TLK1: variants seen among roughly 807,000 people sequenced by gnomAD.
TLK1 encodes the protein serine/threonine-protein kinase tousled-like 1.
TLK1 carries 24 observed loss-of-function variants against 105.3 expected under a neutral mutation model. That is an observed-to-expected ratio of 0.23 (90% confidence interval 0.17 to 0.32). The LOEUF (loss-of-function observed/expected upper bound fraction) is 0.32, where lower values mean the gene tolerates loss of function less well. Ranked by LOEUF, TLK1 falls within the 10% of genes least tolerant of loss-of-function variation. The pLI is 1.00. For missense variants in TLK1, 558 were observed against 910.5 expected (o/e 0.61, Z 4.98); for synonymous variants, 321 against 310.4 (o/e 1.03, Z -0.36).
chr2:171,052,217 C>A (rs1687275107), intron 8 of TLK1, among the ~76,000 whole-genome samples: 1 of 152,118 alleles, frequency 6.6e-6, no homozygotes, highest in Admixed American at 6.5e-5. Context: ...CTATGATCCC[C>A]CACTGTGCTC....
chr2:171,182,935 A>AAAAGGAAGAAAGAAAG (rs1553487150), intron 1 of TLK1, among the ~76,000 whole-genome samples: 1 of 128,780 alleles, frequency 7.8e-6, no homozygotes, highest in African/African-American at 3.6e-5. Flanking sequence ...AAAAAAAAAA[A>AAAAGGAAGAAAGAAAG]AAAGAAAGAA....
intron 3 of TLK1, among the ~76,000 whole-genome samples, chr2:171,069,495 G>C (rs910270911): frequency 3.3e-5 from 5 of 152,182 alleles, no homozygotes; most frequent in African/African-American, 1.2e-4. Context: ...ACGCACTGAG[G>C]ATGGCGGTAA....
intron 2 of TLK1, among the ~76,000 whole-genome samples, chr2:171,095,054 A>T (rs1471462393): frequency 6.6e-6 from 1 of 152,230 alleles, no homozygotes; most frequent in Admixed American, 6.5e-5. Context: ...TAAATCTCAA[A>T]GGAAATTAGA....
At chr2:171,071,520 A>C (rs888577784) in intron 3 of TLK1, among the ~76,000 whole-genome samples, 3 of 152,036 alleles carry the variant, frequency 2.0e-5, no homozygotes, top group African/African-American at 7.2e-5. Context: ...ATCTCCTGAC[A>C]TAGTGATCTG....
At chr2:171,037,358 T>C (rs1192485691) in intron 11 of TLK1, among the ~76,000 whole-genome samples, 1 of 151,712 alleles carries the variant, frequency 6.6e-6, no homozygotes, top group African/African-American at 2.4e-5. Context: ...GGAGAATCAC[T>C]TGAACCCAGG....
intron 1 of TLK1, among the ~76,000 whole-genome samples, chr2:171,134,023 G>C (rs1691209362): frequency 6.6e-6 from 1 of 152,074 alleles, no homozygotes; most frequent in Non-Finnish European, 1.5e-5. Flanking sequence ...AAAATTCATT[G>C]TTATGTGCCC....
chr2:171,216,658 C>A (rs1472116427), intron 1 of TLK1, among the ~76,000 whole-genome samples: 2 of 152,054 alleles, frequency 1.3e-5, no homozygotes, highest in South Asian at 4.1e-4. Flanking sequence ...TAGAATATGA[C>A]CTTATTTAGA....
intron 1 of TLK1, among the ~76,000 whole-genome samples, chr2:171,135,907 T>C (rs1281928142): frequency 2.6e-5 from 4 of 152,210 alleles, no homozygotes; most frequent in East Asian, 3.9e-4. Flanking sequence ...AAAAAAAGTG[T>C]TGTCAAGGAT....
Position 171,058,912 on chromosome 2 carries a change from TA to T in TLK1, c.407-716del, listed in dbSNP as rs1687623230. Among the ~76,000 whole-genome samples the T allele has an allele frequency of 2.0e-5, 3 of 152,310 alleles. No homozygotes were observed. The South Asian group carries it at 6.2e-4, about 32-fold the overall frequency. On this transcript the variant is annotated intron_variant, in intron 4 of 20. Transcript: ENST00000431350. ...ACAAAGTCAAAAGCTTTGCTTAATA[TA>T]AACATACATATATTTGTTAATTCAA...
intron 1 of TLK1, among the ~76,000 whole-genome samples, chr2:171,154,981 A>G (rs980605627): frequency 1.3e-5 from 2 of 152,190 alleles, no homozygotes; most frequent in African/African-American, 2.4e-5. Flanking sequence ...TTAAAATATG[A>G]ATTGTTATAA....
At chr2:171,179,910 A>G (rs1692897168) in intron 1 of TLK1, among the ~76,000 whole-genome samples, 1 of 152,088 alleles carries the variant, frequency 6.6e-6, no homozygotes, top group African/African-American at 2.4e-5. Flanking sequence ...CCTGGCCAAT[A>G]TGGTGAAACC....
chr2:171,131,368 G>A (rs1203146100), intron 1 of TLK1, among the ~76,000 whole-genome samples: 1 of 151,972 alleles, frequency 6.6e-6, no homozygotes, highest in Non-Finnish European at 1.5e-5. Flanking sequence ...GCCATTTTTG[G>A]ACAGTATTTA....
rs140869274 is a variant in TLK1, at chr2:171,228,513, C to T, written c.-6+2632G>A. On this transcript the variant is annotated intron_variant, in intron 1 of 20. Transcript: ENST00000521943. ...CTGCAGTGAGCTATGGTTGTGCTAC[C>T]GCACTCCAGCTTGGAAGACAGAGTA... Among the ~76,000 whole-genome samples, 1,034 of 152,290 alleles carry T rather than the reference C, an allele frequency of 6.8e-3. 13 individuals are homozygous for T. The highest frequency in any genetic ancestry group is 0.023 in the African/African-American group (939 of 41,558).
chr2:171,160,406 C>T lies in TLK1; in HGVS notation c.23G>A (p.Gly8Glu), dbSNP rs753977416. The change falls in exon 1 of 21, where the codon GGA becomes GAA. Residue 8 changes from glycine to glutamate, a missense_variant. Gly to Glu is a moderately conservative substitution (Grantham distance 98, BLOSUM62 -2). Transcript: ENST00000431350. The surrounding 1 kb of genome is among the most constrained non-coding windows in gnomAD (Gnocchi z 4.4). ...CCAAGATGGCGGCCCCTCCAAACTT[C>T]CACTGCTACTTTGGACACTCATCAA... The part of the protein sequence containing the change: MSVQSSS[G>E]SLEGPPSWSQ... The T allele has an allele frequency of 1.2e-6, 2 of 1,603,354 alleles. No individual in the cohort carries two copies. The highest frequency in any genetic ancestry group is 1.7e-6 in the Non-Finnish European group (2 of 1,175,524).
intron 1 of TLK1, among the ~76,000 whole-genome samples, chr2:171,135,729 GA>G (rs992488100): frequency 7.9e-5 from 12 of 152,010 alleles, no homozygotes; most frequent in African/African-American, 2.7e-4. Context: ...TTGAACCCGG[GA>G]GGCAGAGGCT....
intron 1 of TLK1, among the ~76,000 whole-genome samples, chr2:171,141,227 G>C (rs1057145126): frequency 1.6e-4 from 25 of 152,126 alleles, no homozygotes; most frequent in Admixed American, 1.6e-3. Context: ...CAAAACTGAC[G>C]AACGAGCTCA....
At chr2:171,018,788 GAAAC>G (rs1474029199) in intron 12 of TLK1, among the ~76,000 whole-genome samples, 1 of 152,086 alleles carries the variant, frequency 6.6e-6, no homozygotes, top group East Asian at 1.9e-4. Flanking sequence ...AAATCTAAAA[GAAAC>G]AAAGAGACAA....
intron 2 of TLK1, among the ~76,000 whole-genome samples, chr2:171,108,962 C>T (rs574089467): frequency 3.3e-5 from 5 of 151,888 alleles, no homozygotes; most frequent in Non-Finnish European, 5.9e-5. Context: ...AAACATAAAC[C>T]AAAAGAAAGC....
At chr2:171,212,931 G>T (rs565428068) in intron 1 of TLK1, among the ~76,000 whole-genome samples, 1 of 151,552 alleles carries the variant, frequency 6.6e-6, no homozygotes, top group Admixed American at 6.6e-5. Flanking sequence ...TATTTAACAT[G>T]AAAAAACTTG....
Sources: allele counts gnomAD v4.1 joint callset (sites outside exome capture counted in the v4.1 genomes callset), GRCh38; gene constraint gnomAD v4.1.1; non-coding constraint Gnocchi (gnomAD v3.1); transcripts MANE v1.5; gene names NCBI Gene and HGNC (gene_info 2026-07-23, HGNC 2026-07-21).